Variants in COL28A1 observed in about 807,000 individuals in gnomAD.
COL28A1 encodes collagen type XXVIII alpha 1 chain.
A neutral mutation model predicts 150.2 loss-of-function variants in COL28A1; 161 were observed. The observed-to-expected ratio is 1.07, with a 90% CI of 0.94 to 1.22. The LOEUF is 1.22. COL28A1 is among the 50% of genes most tolerant of loss of function. The pLI is 0.00. For missense variants in COL28A1, 1,617 were observed against 1,388.3 expected (o/e 1.16, Z -2.62); for synonymous variants, 552 against 469.7 (o/e 1.18, Z -2.26).
the COL28A1 span, among the ~76,000 whole-genome samples, chr7:7,343,112 CTCTG>C: frequency 1.3e-5 from 2 of 151,886 alleles, no homozygotes; most frequent in East Asian, 1.9e-4. Flanking sequence ...TAGAGGTAAT[CTCTG>C]TCTGATTTTA....
rs201845260 is a variant in COL28A1 at position 7,358,695 on chromosome 7, T to C, written c.3316A>G (p.Asn1106Asp). 2 of 1,614,074 alleles carry C rather than the reference T, an allele frequency of 1.2e-6. No individual in the cohort carries two copies. The highest frequency in any genetic ancestry group is 1.7e-6 in the Non-Finnish European group (2 of 1,179,964). ...SCARFWFSGC[N>D]GSGNRFNSEK... is the part of the protein sequence containing the mutation. ...CTGTTGAATCTATTTCCTGAGCCAT[T>C]ACAGCCACTGAACCAAAATCGGGCA... The change falls in exon 35 of 35, where the codon AAT (asparagine) becomes GAT (aspartate). Residue 1106 changes from asparagine to aspartate, a missense_variant. Physicochemically the swap from Asn to Asp is conservative, Grantham distance 23 (BLOSUM62 1). Transcript: ENST00000399429.
At chr7:7,449,989 G>T (rs569413727) in intron 18 of COL28A1, among the ~76,000 whole-genome samples, 1 of 152,150 alleles carries the variant, frequency 6.6e-6, no homozygotes, top group African/African-American at 2.4e-5. Flanking sequence ...CAAGAAAGAA[G>T]ATGAGAGTAT....
intron 34 of COL28A1, among the ~76,000 whole-genome samples, 188 bp downstream of exon 34, chr7:7,360,202 A>G (rs1013998649): frequency 6.6e-6 from 1 of 152,220 alleles, no homozygotes; most frequent in Non-Finnish European, 1.5e-5. Flanking sequence ...AATTCTACAT[A>G]TAGTCCAGTG....
At chr7:7,407,772 C>A (rs1453848210) in intron 27 of COL28A1, among the ~76,000 whole-genome samples, 4 of 151,916 alleles carry the variant, frequency 2.6e-5, no homozygotes, top group Admixed American at 6.6e-5. Flanking sequence ...ATGAATAAAT[C>A]TAAATAAACA....
chr7:7,344,017 A>T, the COL28A1 span, among the ~76,000 whole-genome samples: 3 of 116,606 alleles, frequency 2.6e-5, no homozygotes, highest in African/African-American at 3.3e-5. Context: ...AAATAAAAAT[A>T]AAAAAAAAAA....
intron 3 of COL28A1, among the ~76,000 whole-genome samples, chr7:7,527,235 C>T (rs569873107): frequency 2.0e-5 from 3 of 152,326 alleles, no homozygotes; most frequent in South Asian, 4.1e-4. Context: ...TCCCTGAGGG[C>T]TCTTATAGGC....
chr7:7,441,190 AG>A (rs1326088336), intron 20 of COL28A1, among the ~76,000 whole-genome samples: 1 of 152,258 alleles, frequency 6.6e-6, no homozygotes, highest in Non-Finnish European at 1.5e-5. Context: ...TCACAGTTTC[AG>A]AAATGAGTAC....
chr7:7,373,853 C>A lies in COL28A1; in HGVS notation c.2360-307G>T, dbSNP rs1781375130. On this transcript the variant is annotated intron_variant, in intron 31 of 34. Coordinates refer to ENST00000399429, the MANE Select transcript of COL28A1 (RefSeq NM_001037763.3). This position sits in a 1 kb window ranked among gnomAD's most constrained non-coding sequence, Gnocchi z 4.1. ...TAGCTGGGACTACAGGCGCCCGCCA[C>A]CTCGCCTGGCTAATTTTTTGTATTT... Among the ~76,000 whole-genome samples the A allele has an allele frequency of 6.6e-6, 1 of 151,492 alleles. No homozygotes were observed. Among genetic ancestry groups the A allele is most frequent in the African/African-American group, 2.4e-5 (1 of 41,194 alleles).
intron 27 of COL28A1, among the ~76,000 whole-genome samples, chr7:7,415,890 C>T (rs1784049876): frequency 1.3e-5 from 2 of 152,016 alleles, no homozygotes; most frequent in South Asian, 4.2e-4. Context: ...GCAGCCTCTG[C>T]CTCCTGGGTT....
Position 7,489,396 on chromosome 7 carries a change from C to G in COL28A1, c.1157G>C (p.Gly386Ala). ...AGAATTTTTGCTACTTACTGGCTGT[C>G]CAGGCTCACCAACTCCAATGGGTCC... is the stretch of plus-strand genomic sequence containing the variant. ...APGPIGVGEP[G>A]QPGPRGPEGV... Residue 386 changes from glycine (G) to alanine (A), a missense_variant, in exon 13 of 35, where the codon GGA becomes GCA. Gly to Ala is a moderately conservative substitution (Grantham distance 60). Transcript: ENST00000399429. The G allele has an allele frequency of 2.2e-6, 3 of 1,365,464 alleles. No homozygotes were observed. Among genetic ancestry groups the G allele is most frequent in the Non-Finnish European group, 3.1e-6 (3 of 952,546 alleles). The allele number at this position is 1,365,464 out of a possible 1,614,324, so 84.6% of individuals were successfully genotyped here. A position where few individuals can be genotyped will look rare whatever the true frequency, so the allele number is the denominator to read the frequency against.
chr7:7,512,275 C>A lies in COL28A1; in HGVS notation c.883-1140G>T, dbSNP rs149087663. 3.5e-4 allele frequency among the ~76,000 whole-genome samples: 53 copies of A among 152,206 alleles called. No homozygotes were observed. In the Middle Eastern group the frequency reaches 0.014, roughly 39 times the overall value. ...ACTAGTTAGATAGGAGCAATAAGTTCAAGAGATCTATTGTTCAACACGATG... is the reference window on the plus strand; with the variant it reads ...ACTAGTTAGATAGGAGCAATAAGTTAAAGAGATCTATTGTTCAACACGATG... On this transcript the variant is annotated intron_variant, in intron 8 of 34. Transcript: ENST00000399429.
In COL28A1 at chr7:7,433,076, AGTT is replaced by A. The variant is rs553427295; in HGVS notation, c.1861-379_1861-377del. Among the ~76,000 whole-genome samples, 181 of 152,266 alleles carry A rather than the reference AGTT, an allele frequency of 1.2e-3. 1 individual carries two copies. The highest frequency in any genetic ancestry group is 4.3e-3 in the African/African-American group (178 of 41,554). ...AAAACACATTAATTTTTCAAAAACA[AGTT>A]ATGAAGGGATAGAGTTTGTGACTCA... On this transcript the variant is annotated intron_variant, in intron 23 of 34. Transcript: ENST00000399429.
the COL28A1 span, among the ~76,000 whole-genome samples, chr7:7,344,513 C>G: frequency 2.0e-5 from 3 of 152,192 alleles, no homozygotes; most frequent in African/African-American, 7.2e-5. Context: ...AAATTTGCAA[C>G]AATATAGTTT....
intron 2 of COL28A1, 141 bp downstream of exon 2, chr7:7,532,611 C>T: frequency 9.2e-7 from 1 of 1,087,800 alleles, no homozygotes; most frequent in South Asian, 1.7e-5. Context: ...GGTATATTAT[C>T]ATCATATAAT....
the COL28A1 span, among the ~76,000 whole-genome samples, chr7:7,350,951 G>A: frequency 6.6e-5 from 10 of 152,152 alleles, no homozygotes; most frequent in South Asian, 4.2e-4. Flanking sequence ...GCTTCTAGTC[G>A]ATTTCAGAGA....
chr7:7,505,897 C>T, intron 11 of COL28A1, 117 bp downstream of exon 11: 1 of 718,088 alleles, frequency 1.4e-6, no homozygotes, highest in South Asian at 1.6e-5. Flanking sequence ...GGTTATTATG[C>T]ATTTCCAAAG....
the COL28A1 span, among the ~76,000 whole-genome samples, chr7:7,348,194 G>A: frequency 6.6e-6 from 1 of 152,006 alleles, no homozygotes; most frequent in Non-Finnish European, 1.5e-5. Flanking sequence ...CTAAGACGAG[G>A]ACAATGAGAG....
intron 27 of COL28A1, among the ~76,000 whole-genome samples, chr7:7,390,309 TG>T: frequency 6.6e-6 from 1 of 152,358 alleles, no homozygotes; most frequent in Middle Eastern, 3.4e-3. Context: ...GATTTGCGTA[TG>T]TTGAACCAGC....
rs1245589357 is a variant in COL28A1, at chr7:7,432,666, G to C, written c.1895C>G (p.Pro632Arg). 1 of 1,613,810 alleles carries C rather than the reference G, an allele frequency of 6.2e-7. No individual in the cohort carries two copies. Among genetic ancestry groups the C allele is most frequent in the Non-Finnish European group, 8.5e-7 (1 of 1,179,984 alleles). ...VQGPRGPVGA[P>R]GLKGDGYPGV... ...AGGATAGCCATCACCTTTGAGTCCT[G>C]GAGCACCCACTGGTCCCCGAGGGCC... The change falls in exon 24 of 35, where the codon CCA becomes CGA. Residue 632 changes from proline to arginine, a missense_variant. Physicochemically the swap from Pro to Arg is moderately radical, Grantham distance 103 (BLOSUM62 -2). Transcript: ENST00000399429.
Sources: allele counts gnomAD v4.1 joint callset (sites outside exome capture counted in the v4.1 genomes callset), GRCh38; gene constraint gnomAD v4.1.1; non-coding constraint Gnocchi (gnomAD v3.1); transcripts MANE v1.5; gene names NCBI Gene and HGNC (gene_info 2026-07-23, HGNC 2026-07-21).